The following ZNHIT2 variants were observed in gnomAD, a reference collection of about 807,000 sequenced individuals.
ZNHIT2 encodes the protein zinc finger HIT domain-containing protein 2.
ZNHIT2 carries 16 observed loss-of-function variants against 18.0 expected under a neutral mutation model. The ratio of observed to expected loss-of-function variants is 0.89; its 90% CI spans 0.60 to 1.35. The LOEUF (loss-of-function observed/expected upper bound fraction) is 1.35, where lower values mean the gene tolerates loss of function less well. Among genes scored for constraint, ZNHIT2 ranks in the 40% most tolerant of loss-of-function variants. The probability of loss-of-function intolerance (pLI) is 0.00; values close to 1 mark genes in which losing one functional copy is unlikely to be tolerated. For synonymous variants in ZNHIT2, 336 were observed against 269.8 expected (o/e 1.25, Z -2.41); for missense variants, 631 against 566.4 (o/e 1.11, Z -1.16).
rs574154087 is a variant in ZNHIT2, at chr11:65,117,669, G to A, written c.-16C>T. ...CCGGCTCCATGGCAACTGGCACCGC[G>A]ATCTACCTGCGAACGCACGCCGGTG... On this transcript the variant is annotated 5_prime_UTR_variant, in exon 1 of 1. Transcript: ENST00000310597. The A allele has an allele frequency of 7.3e-7, 1 of 1,367,548 alleles. No homozygotes were observed. Among genetic ancestry groups the A allele is most frequent in the African/African-American group, 1.5e-5 (1 of 66,076 alleles). The allele number at this position is 1,367,548 out of a possible 1,614,324, so 84.7% of individuals were successfully genotyped here. A position where few individuals can be genotyped will look rare whatever the true frequency, so the allele number is the denominator to read the frequency against.
rs751088311 is a variant in ZNHIT2 at position 65,116,826 on chromosome 11, G to A, written c.828C>T (p.His276=). ...AAAHVLEAGE[H]PPGPLGTRGA... The stretch of plus-strand genomic sequence containing the variant: ...CTCGTGTGCCCAGGGGCCCCGGCGG[G>A]TGCTCGCCTGCTTCCAGCACGTGGG... Residue 276 remains histidine (H), a synonymous_variant, in exon 1 of 1, where the codon CAC becomes CAT. Transcript: ENST00000310597. 10 of 1,608,274 alleles carry A rather than the reference G, an allele frequency of 6.2e-6. No individual in the cohort carries two copies. In the South Asian group the frequency reaches 9.9e-5, roughly 16 times the overall value.
chr11:65,117,389 C>A lies in ZNHIT2; in HGVS notation c.265G>T (p.Gly89Cys). 1 of 1,496,900 alleles carries A rather than the reference C, an allele frequency of 6.7e-7. No homozygotes were observed. Among genetic ancestry groups the A allele is most frequent in the Non-Finnish European group, 8.8e-7 (1 of 1,130,778 alleles). The allele number at this position is 1,496,900 out of a possible 1,614,324, so 92.7% of individuals were successfully genotyped here. A position where few individuals can be genotyped will look rare whatever the true frequency, so the allele number is the denominator to read the frequency against. Residue 89 changes from glycine (G) to cysteine (C), a missense_variant, in exon 1 of 1, where the codon GGC (glycine) becomes TGC (cysteine). Physicochemically the swap from Gly to Cys is radical, Grantham distance 159. Coordinates refer to ENST00000310597, the MANE Select transcript of ZNHIT2 (RefSeq NM_014205.4). Reference sequence around the variant, plus strand: ...CCCGATAGGCCGCCGGGCGCCGGGCCGGAGCTGAGGCCTGCTTCCCCAGGC... The same window carrying A: ...CCCGATAGGCCGCCGGGCGCCGGGCAGGAGCTGAGGCCTGCTTCCCCAGGC... ...DEPGEAGLSS[G>C]PAPGGLSGLW... is the part of the protein sequence containing the mutation.
chr11:65,117,635 A>G lies in ZNHIT2; in HGVS notation c.19T>C (p.Cys7Arg). The G allele has an allele frequency of 6.8e-7, 1 of 1,472,648 alleles. No individual in the cohort carries two copies. The highest frequency in any genetic ancestry group is 9.0e-7 in the Non-Finnish European group (1 of 1,115,754). 91.2% of individuals were successfully genotyped at this position (1,472,648 alleles called of 1,614,324 possible). Reference protein sequence around the residue: MEPAGPCGFCPAGEVQP... With the variant: MEPAGPRGFCPAGEVQP... ...ACCTCCCCCGCCGGGCAGAAGCCAC[A>G]GGGCCCGGCCGGCTCCATGGCAACT... Residue 7 changes from cysteine (C) to arginine (R), a missense_variant, in exon 1 of 1, where the codon TGT becomes CGT. By Grantham distance (180) the Cys-to-Arg change is radical. Coordinates refer to ENST00000310597, the MANE Select transcript of ZNHIT2 (RefSeq NM_014205.4).
At position 65,117,251 on chromosome 11, in the gene ZNHIT2, C is replaced by A; in HGVS notation, c.403G>T (p.Ala135Ser). Reference sequence around the variant, plus strand: ...AGCTCCTCCAGAAGCTGCGGTCCGGCTCCGCGGTTCCACCACCACGGCCGC... The same window carrying A: ...AGCTCCTCCAGAAGCTGCGGTCCGGATCCGCGGTTCCACCACCACGGCCGC... ...PWRPWWWNRG[A>S]GPQLLEELDN... The change falls in exon 1 of 1, where the codon GCC (alanine) becomes TCC (serine). Residue 135 changes from alanine (A) to serine (S), a missense_variant. By Grantham distance (99) the Ala-to-Ser change is moderately conservative (BLOSUM62 1). Coordinates refer to ENST00000310597, the MANE Select transcript of ZNHIT2 (RefSeq NM_014205.4). The A allele has an allele frequency of 1.3e-6, 2 of 1,497,952 alleles. No homozygotes were observed. Among genetic ancestry groups the A allele is most frequent in the Non-Finnish European group, 1.8e-6 (2 of 1,132,630 alleles). The allele number at this position is 1,497,952 out of a possible 1,614,324, so 92.8% of individuals were successfully genotyped here.
In ZNHIT2 at chr11:65,116,789, C is replaced by T. The variant is rs1947993047; in HGVS notation, c.865G>A (p.Glu289Lys). 6.2e-7 allele frequency: 1 copy of T among 1,608,214 alleles called. No individual in the cohort carries two copies. The highest frequency in any genetic ancestry group is 8.5e-7 in the Non-Finnish European group (1 of 1,176,378). ...TCGCCCAGCAGGATGCGGGCGACCT[C>T]GTGCATAGCCCCTCGTGTGCCCAGG... Reference protein sequence around the residue: ...GPLGTRGAMHEVARILLGEGP... With the variant: ...GPLGTRGAMHKVARILLGEGP... The change falls in exon 1 of 1, where the codon GAG becomes AAG. Residue 289 changes from glutamate to lysine, a missense_variant. Transcript: ENST00000310597.
Position 65,117,224 on chromosome 11 carries a change from C to G in ZNHIT2, c.430G>C (p.Asp144His), listed in dbSNP as rs768351398. The G allele has an allele frequency of 6.6e-7, 1 of 1,516,826 alleles. No homozygotes were observed. The highest frequency in any genetic ancestry group is 8.8e-7 in the Non-Finnish European group (1 of 1,139,744). The allele number at this position is 1,516,826 out of a possible 1,614,324, so 94.0% of individuals were successfully genotyped here. Residue 144 changes from aspartate (D) to histidine (H), a missense_variant, in exon 1 of 1, where the codon GAT (aspartate) becomes CAT (histidine). By Grantham distance (81) the Asp-to-His change is moderately conservative (BLOSUM62 -1). Coordinates refer to ENST00000310597, the MANE Select transcript of ZNHIT2 (RefSeq NM_014205.4). ...GAGPQLLEEL[D>H]NAPGSDAAEL... is the part of the protein sequence containing the mutation. ...GCGGCGTCACTACCCGGGGCATTAT[C>G]CAGCTCCTCCAGAAGCTGCGGTCCG...
At position 65,117,464 on chromosome 11, in the gene ZNHIT2, G is replaced by T. The variant is rs34563314; in HGVS notation, c.190C>A (p.Leu64Ile). Residue 64 changes from leucine (L) to isoleucine (I), a missense_variant, in exon 1 of 1, where the codon CTA (leucine) becomes ATA (isoleucine). Leu to Ile is a conservative substitution (Grantham distance 5). Transcript: ENST00000310597. ...LRGCSAPPSR[L>I]ASALRRLRQQ... ...CGCAGCCGGCGTAGGGCGCTTGCTA[G>T]GCGGCTGGGAGGAGCGCTGCAACCG... 8 of 1,545,578 alleles carry T rather than the reference G, an allele frequency of 5.2e-6. No homozygotes were observed. The highest frequency in any genetic ancestry group is 6.9e-6 in the Non-Finnish European group (8 of 1,154,478).
At position 65,117,390 on chromosome 11, in the gene ZNHIT2, G is replaced by A; in HGVS notation, c.264C>T (p.Ser88=). The A allele has an allele frequency of 6.7e-7, 1 of 1,494,174 alleles. No individual in the cohort carries two copies. Among genetic ancestry groups the A allele is most frequent in the Non-Finnish European group, 8.9e-7 (1 of 1,129,600 alleles). The allele number at this position is 1,494,174 out of a possible 1,614,324, so 92.6% of individuals were successfully genotyped here. A position where few individuals can be genotyped will look rare whatever the true frequency, so the allele number is the denominator to read the frequency against. ...CCGATAGGCCGCCGGGCGCCGGGCC[G>A]GAGCTGAGGCCTGCTTCCCCAGGCT... ...EDEPGEAGLS[S]GPAPGGLSGL... The change falls in exon 1 of 1, where the codon TCC becomes TCT. Residue 88 remains serine (S), a synonymous_variant. Coordinates refer to ENST00000310597, the MANE Select transcript of ZNHIT2 (RefSeq NM_014205.4).
At position 65,117,684 on chromosome 11, in the gene ZNHIT2, G is replaced by C. The variant is rs1360968854; in HGVS notation, c.-31C>G. The C allele has an allele frequency of 6.6e-6, 9 of 1,356,364 alleles. No homozygotes were observed. The highest frequency in any genetic ancestry group is 8.5e-6 in the Non-Finnish European group (9 of 1,056,538). 84.0% of individuals were successfully genotyped at this position (1,356,364 alleles called of 1,614,324 possible). ...CTGGCACCGCGATCTACCTGCGAAC[G>C]CACGCCGGTGGTAGTTCGAAACTTC... On this transcript the variant is annotated 5_prime_UTR_variant, in exon 1 of 1. Transcript: ENST00000310597.
At position 65,117,696 on chromosome 11, in the gene ZNHIT2, T is replaced by C. The variant is rs1192200820; in HGVS notation, c.-43A>G. The C allele has an allele frequency of 5.2e-6, 7 of 1,355,004 alleles. No homozygotes were observed. The highest frequency in any genetic ancestry group is 6.6e-6 in the Non-Finnish European group (7 of 1,056,598). The allele number at this position is 1,355,004 out of a possible 1,614,324, so 83.9% of individuals were successfully genotyped here. A position where few individuals can be genotyped will look rare whatever the true frequency, so the allele number is the denominator to read the frequency against. On this transcript the variant is annotated 5_prime_UTR_variant, in exon 1 of 1. Coordinates refer to ENST00000310597, the MANE Select transcript of ZNHIT2 (RefSeq NM_014205.4). The stretch of plus-strand genomic sequence containing the variant: ...TCTACCTGCGAACGCACGCCGGTGG[T>C]AGTTCGAAACTTCCGGGGCTTCTTC...
Position 65,117,628 on chromosome 11 carries a change from A to G in ZNHIT2, c.26T>C (p.Phe9Ser). 6.7e-7 allele frequency: 1 copy of G among 1,487,498 alleles called. No individual in the cohort carries two copies. The highest frequency in any genetic ancestry group is 1.3e-5 in the South Asian group (1 of 77,538). 92.1% of individuals were successfully genotyped at this position (1,487,498 alleles called of 1,614,324 possible). ...TGGCTGGACCTCCCCCGCCGGGCAG[A>G]AGCCACAGGGCCCGGCCGGCTCCAT... MEPAGPCG[F>S]CPAGEVQPAR... The change falls in exon 1 of 1, where the codon TTC (phenylalanine) becomes TCC (serine). Residue 9 changes from phenylalanine to serine, a missense_variant. Transcript: ENST00000310597.
Position 65,117,444 on chromosome 11 carries a change from C to G in ZNHIT2, c.210G>C (p.Arg70=). 1.3e-6 allele frequency: 2 copies of G among 1,512,140 alleles called. No individual in the cohort carries two copies. Among genetic ancestry groups the G allele is most frequent in the South Asian group, 2.5e-5 (2 of 80,512 alleles). 93.7% of individuals were successfully genotyped at this position (1,512,140 alleles called of 1,614,324 possible). ...CCTCGGTCTCGCGTTGCTGACGCAGCCGGCGTAGGGCGCTTGCTAGGCGGC... is the reference window on the plus strand; with the variant it reads ...CCTCGGTCTCGCGTTGCTGACGCAGGCGGCGTAGGGCGCTTGCTAGGCGGC... ...PPSRLASALR[R]LRQQRETEDE... Residue 70 remains arginine (R), a synonymous_variant, in exon 1 of 1, where the codon CGG becomes CGC. Transcript: ENST00000310597.
At position 65,117,535 on chromosome 11, in the gene ZNHIT2, G is replaced by C. The variant is rs200891198; in HGVS notation, c.119C>G (p.Thr40Ser). Residue 40 changes from threonine to serine, a missense_variant, in exon 1 of 1, where the codon ACC becomes AGC. By Grantham distance (58) the Thr-to-Ser change is moderately conservative (BLOSUM62 1). Coordinates refer to ENST00000310597, the MANE Select transcript of ZNHIT2 (RefSeq NM_014205.4). The stretch of plus-strand genomic sequence containing the variant: ...GTCACGGTAGAAGTTTTCTGCGCAG[G>C]TGCCATGCGTCCGGTAGCAGCGCAG... ...CSLRCYRTHG[T>S]CAENFYRDQV... 4 of 1,591,416 alleles carry C rather than the reference G, an allele frequency of 2.5e-6. No homozygotes were observed. Among genetic ancestry groups the C allele is most frequent in the Non-Finnish European group, 3.4e-6 (4 of 1,176,250 alleles).
rs1362439421 is a variant in ZNHIT2 at position 65,116,435 on chromosome 11, A to G, written c.*7T>C. 1 of 1,511,626 alleles carries G rather than the reference A, an allele frequency of 6.6e-7. No individual in the cohort carries two copies. The highest frequency in any genetic ancestry group is 2.3e-5 in the Admixed American group (1 of 43,920). The allele number at this position is 1,511,626 out of a possible 1,614,324, so 93.6% of individuals were successfully genotyped here. On this transcript the variant is annotated 3_prime_UTR_variant, in exon 1 of 1. Coordinates refer to ENST00000310597, the MANE Select transcript of ZNHIT2 (RefSeq NM_014205.4). ...TCACAGCTTTATTAATGACCAGGGT[A>G]ACCCGTTCAGCTAGGGAGCTCCTCA...
rs765154831 is a variant in ZNHIT2 at position 65,117,583 on chromosome 11, C to G, written c.71G>C (p.Arg24Pro). The G allele has an allele frequency of 1.3e-6, 2 of 1,567,716 alleles. No individual in the cohort carries two copies. The highest frequency in any genetic ancestry group is 3.7e-5 in the Admixed American group (2 of 54,018). The change falls in exon 1 of 1, where the codon CGC becomes CCC. Residue 24 changes from arginine (R) to proline (P), a missense_variant. Coordinates refer to ENST00000310597, the MANE Select transcript of ZNHIT2 (RefSeq NM_014205.4). ...CAGCGAGCAGTAGGGCGCATTACAG[C>G]GAGGGCAGGTGTAACGCGCTGGCTG... ...EVQPARYTCP[R>P]CNAPYCSLRC...
At position 65,116,595 on chromosome 11, in the gene ZNHIT2, G is replaced by A. The variant is rs765376475; in HGVS notation, c.1059C>T (p.Ala353=). 2.5e-5 allele frequency: 41 copies of A among 1,608,260 alleles called. No homozygotes were observed. The highest frequency in any genetic ancestry group is 1.1e-4 in the South Asian group (10 of 90,614). ...LLAWTNENEA[A]LTPLALDCAR... ...CGCAGTCTAGGGCCAGGGGTGTGAG[G>A]GCCGCCTCATTTTCGTTGGTCCAGG... Residue 353 remains alanine, a synonymous_variant, in exon 1 of 1, where the codon GCC becomes GCT. Coordinates refer to ENST00000310597, the MANE Select transcript of ZNHIT2 (RefSeq NM_014205.4).
chr11:65,117,202 G>GC lies in ZNHIT2; in HGVS notation c.451dup (p.Ala151GlyfsTer83), dbSNP rs1353786757. The GC allele has an allele frequency of 1.3e-6, 2 of 1,541,926 alleles. No homozygotes were observed. The highest frequency in any genetic ancestry group is 2.4e-5 in the South Asian group (2 of 82,598). On this transcript the variant is annotated frameshift_variant, in exon 1 of 1. Transcript: ENST00000310597. LOFTEE classifies it high-confidence loss of function. ...CGCAGGGGCGAGCTCCAGCTCCGCG[G>GC]CGTCACTACCCGGGGCATTATCCAG... is the stretch of plus-strand genomic sequence containing the variant.
rs747771395 is a variant in ZNHIT2 at position 65,116,571 on chromosome 11, G to A, written c.1083C>T (p.Cys361=). ...EAALTPLALD[C]ARAHQAHAVV... ...CAGCATGGGCTTGGTGAGCCCTGGC[G>A]CAGTCTAGGGCCAGGGGTGTGAGGG... The change falls in exon 1 of 1, where the codon TGC becomes TGT. Residue 361 remains cysteine (C), a synonymous_variant. Coordinates refer to ENST00000310597, the MANE Select transcript of ZNHIT2 (RefSeq NM_014205.4). 4 of 1,588,548 alleles carry A rather than the reference G, an allele frequency of 2.5e-6. No homozygotes were observed. The highest frequency in any genetic ancestry group is 1.3e-5 in the African/African-American group (1 of 74,532).
chr11:65,117,168 C>G lies in ZNHIT2; in HGVS notation c.486G>C (p.Pro162=). The G allele has an allele frequency of 6.4e-7, 1 of 1,565,788 alleles. No individual in the cohort carries two copies. The highest frequency in any genetic ancestry group is 1.2e-5 in the South Asian group (1 of 86,084). Residue 162 remains proline, a synonymous_variant, in exon 1 of 1, where the codon CCG becomes CCC. Coordinates refer to ENST00000310597, the MANE Select transcript of ZNHIT2 (RefSeq NM_014205.4). ...CGGAGGCATCTTTCACAGAATCCGG[C>G]GGGGTCCTCGCAGGGGCGAGCTCCA... ...AELELAPART[P]PDSVKDASAA... is the part of the protein sequence containing the mutation.
Sources: allele counts gnomAD v4.1 joint callset, GRCh38; gene constraint gnomAD v4.1.1; transcripts MANE v1.5; gene names NCBI Gene and HGNC (gene_info 2026-07-23, HGNC 2026-07-21).